LPP: variants seen among roughly 807,000 people sequenced by gnomAD.
LPP encodes the protein LIM domain containing preferred translocation partner in lipoma.
In LPP, 38 loss-of-function variants were observed where a neutral mutation model predicts 60.4. The ratio of observed to expected loss-of-function variants is 0.63; its 90% confidence interval spans 0.49 to 0.83. The LOEUF (loss-of-function observed/expected upper bound fraction) is 0.83, where lower values mean the gene tolerates loss of function less well. LPP is among the 40% of genes least tolerant of loss of function. The probability of loss-of-function intolerance (pLI) is 0.00; values close to 1 mark genes in which losing one functional copy is unlikely to be tolerated. For synonymous variants in LPP, 328 were observed against 290.8 expected (o/e 1.13, Z -1.30); for missense variants, 902 against 783.6 (o/e 1.15, Z -1.80).
chr3:188,169,522 A>T (rs1417805900), intron 1 of LPP, among the ~76,000 whole-genome samples: 1 of 152,234 alleles, frequency 6.6e-6, no homozygotes. Flanking sequence ...TGTTTTATTA[A>T]GAAAAGGGTC....
intron 4 of LPP, among the ~76,000 whole-genome samples, chr3:188,433,414 G>A (rs951678815): frequency 6.6e-6 from 1 of 152,050 alleles, no homozygotes; most frequent in African/African-American, 2.4e-5. Flanking sequence ...CGTCTTTGCT[G>A]ATCACAGTAA....
chr3:188,201,144 A>G (rs1347886695), intron 1 of LPP, among the ~76,000 whole-genome samples: 4 of 152,192 alleles, frequency 2.6e-5, no homozygotes, highest in African/African-American at 4.8e-5. Flanking sequence ...AACACTTACT[A>G]TGGACCTGTC....
chr3:188,733,122 G>A (rs1721245841), intron 8 of LPP, among the ~76,000 whole-genome samples: 1 of 152,038 alleles, frequency 6.6e-6, no homozygotes. Flanking sequence ...TATTATTTCG[G>A]GGGTAATTAC....
intron 1 of LPP, among the ~76,000 whole-genome samples, chr3:188,203,943 G>A (rs1732423823): frequency 6.6e-6 from 1 of 152,112 alleles, no homozygotes; most frequent in Non-Finnish European, 1.5e-5. Flanking sequence ...GAGGAGCTGT[G>A]TGAAAAGTTT....
chr3:188,189,589 G>A (rs1348898368), intron 1 of LPP, among the ~76,000 whole-genome samples: 3 of 152,146 alleles, frequency 2.0e-5, no homozygotes. Context: ...CCTGGGCTTT[G>A]TAAACCCTTC....
chr3:188,805,420 G>A (rs1748792565), intron 9 of LPP, among the ~76,000 whole-genome samples: 1 of 145,610 alleles, frequency 6.9e-6, no homozygotes, highest in Non-Finnish European at 1.5e-5. Flanking sequence ...TCATTTTAAT[G>A]TCTGTAAGTA....
At chr3:188,867,160 G>A (rs1766858479) in intron 10 of LPP, among the ~76,000 whole-genome samples, 1 of 151,030 alleles carries the variant, frequency 6.6e-6, no homozygotes, top group Admixed American at 6.6e-5. Context: ...TTACAGCTGG[G>A]GTCTTTATGA....
At chr3:188,846,990 C>T (rs1436848458) in intron 9 of LPP, among the ~76,000 whole-genome samples, 1 of 152,126 alleles carries the variant, frequency 6.6e-6, no homozygotes, top group Non-Finnish European at 1.5e-5. Flanking sequence ...GGTCAGATAC[C>T]TATACATTTA....
chr3:188,849,194 C>T (rs545534404), intron 9 of LPP, among the ~76,000 whole-genome samples: 25 of 152,212 alleles, frequency 1.6e-4, no homozygotes, highest in East Asian at 1.4e-3. Context: ...GCACTGAGGA[C>T]GGAGGGACCC....
chr3:188,389,775 C>CAAA (rs56304365), intron 3 of LPP, among the ~76,000 whole-genome samples: 33,661 of 85,082 alleles, frequency 0.4, 9,250 homozygotes, highest in Admixed American at 0.46. Flanking sequence ...GACTCCGTCT[C>CAAA]AAAAAAAAAA....
intron 9 of LPP, among the ~76,000 whole-genome samples, chr3:188,760,510 T>C (rs1731954825): frequency 6.6e-6 from 1 of 152,088 alleles, no homozygotes. Context: ...CAGAAAGGTG[T>C]ATTAGCATGG....
intron 8 of LPP, chr3:188,746,391 G>T (rs1167179137): frequency 1.5e-5 from 7 of 466,064 alleles, no homozygotes; most frequent in Admixed American, 9.4e-5. Flanking sequence ...CAATCTACAG[G>T]TTAATTAGTA....
chr3:188,665,146 A>G (rs571525158), intron 7 of LPP, among the ~76,000 whole-genome samples: 12 of 152,212 alleles, frequency 7.9e-5, no homozygotes, highest in African/African-American at 2.6e-4. Context: ...CTCAAATTCA[A>G]ATTTTGCTGT....
chr3:188,347,434 T>A (rs1764697906), intron 3 of LPP, among the ~76,000 whole-genome samples: 1 of 152,216 alleles, frequency 6.6e-6, no homozygotes, highest in Non-Finnish European at 1.5e-5. Context: ...TTTCTTGTTC[T>A]TCAAACTTCT....
At chr3:188,615,075 C>T (rs1486008197) in intron 7 of LPP, among the ~76,000 whole-genome samples, 1 of 152,204 alleles carries the variant, frequency 6.6e-6, no homozygotes, top group East Asian at 1.9e-4. Context: ...TGTACCCATA[C>T]ATCCTACATG....
At chr3:188,238,276 C>A (rs1722601723) in intron 2 of LPP, among the ~76,000 whole-genome samples, 1 of 152,182 alleles carries the variant, frequency 6.6e-6, no homozygotes, top group Non-Finnish European at 1.5e-5. Flanking sequence ...GATCTTCTAT[C>A]CAGATCACTC....
intron 7 of LPP, among the ~76,000 whole-genome samples, chr3:188,635,652 G>C (rs910621904): frequency 1.3e-5 from 2 of 152,172 alleles, no homozygotes; most frequent in African/African-American, 4.8e-5. Context: ...TCAGAATCTA[G>C]AAGTTCTGGT....
intron 7 of LPP, among the ~76,000 whole-genome samples, chr3:188,626,728 G>A (rs570409303): frequency 1.3e-5 from 2 of 152,128 alleles, no homozygotes; most frequent in Non-Finnish European, 2.9e-5. Flanking sequence ...TAACTTAATG[G>A]CCTCTTTAAA....
chr3:188,603,351 T>G (rs1385055396), intron 6 of LPP, among the ~76,000 whole-genome samples: 1 of 2,818 alleles, frequency 3.5e-4, no homozygotes, highest in Non-Finnish European at 3.4e-3. Context: ...AATTTTGTGG[T>G]TTTTTTTTTT....
Sources: gnomAD v4.1 joint callset for allele counts (sites outside exome capture counted in the v4.1 genomes callset) on GRCh38, gnomAD v4.1.1 for gene constraint, MANE v1.5 for transcripts, NCBI Gene and HGNC (gene_info 2026-07-23, HGNC 2026-07-21) for gene names.